Variants in NAV2 observed in about 807,000 individuals in gnomAD.
NAV2 encodes helicase, APC down-regulated 1.
In NAV2, 54 loss-of-function variants were observed where a neutral mutation model predicts 223.2. That is an observed-to-expected ratio of 0.24 (90% CI 0.19 to 0.30). The LOEUF is 0.30. NAV2 is among the 10% of genes least tolerant of loss of function. The pLI, the probability that NAV2 is intolerant of heterozygous loss-of-function variation, is 1.00. For synonymous variants in NAV2, 1,279 were observed against 1,239.3 expected (o/e 1.03, Z -0.67); for missense variants, 2,806 against 3,147.5 (o/e 0.89, Z 2.60).
intron 12 of NAV2, among the ~76,000 whole-genome samples, chr11:20,038,957 G>A (rs1055713126): frequency 7.9e-5 from 12 of 152,300 alleles, no homozygotes; most frequent in Middle Eastern, 3.4e-3. Context: ...TTTTGTCTGT[G>A]AGGGACTCCG....
At chr11:20,007,946 T>G (rs1288336440) in intron 11 of NAV2, among the ~76,000 whole-genome samples, 1 of 152,276 alleles carries the variant, frequency 6.6e-6, no homozygotes, top group Non-Finnish European at 1.5e-5. Flanking sequence ...AATATTTTTA[T>G]AGAAGAGAAC....
chr11:20,015,433 A>G (rs1316276460), intron 11 of NAV2, among the ~76,000 whole-genome samples: 1 of 152,188 alleles, frequency 6.6e-6, no homozygotes, highest in Non-Finnish European at 1.5e-5. Flanking sequence ...AACTTTCACC[A>G]TTGCACAGCA....
At chr11:19,877,199 A>G (rs1040827131) in intron 4 of NAV2, among the ~76,000 whole-genome samples, 2 of 151,618 alleles carry the variant, frequency 1.3e-5, no homozygotes, top group Non-Finnish European at 2.9e-5. Context: ...GGATAATCCT[A>G]CTCACTTCCC....
intron 1 of NAV2, among the ~76,000 whole-genome samples, chr11:19,546,506 C>A: frequency 6.6e-6 from 1 of 152,326 alleles, no homozygotes; most frequent in Non-Finnish European, 1.5e-5. Context: ...CTCAGCTTTC[C>A]AAAGCCACCT....
chr11:20,076,244 C>G (rs1422374031), intron 22 of NAV2, among the ~76,000 whole-genome samples: 1 of 152,198 alleles, frequency 6.6e-6, no homozygotes, highest in Non-Finnish European at 1.5e-5. Context: ...ACTCTAAATC[C>G]TGTTCCCTTC....
intron 1 of NAV2, among the ~76,000 whole-genome samples, chr11:19,603,498 G>A (rs1283944080): frequency 6.6e-6 from 1 of 151,930 alleles, no homozygotes; most frequent in East Asian, 1.9e-4. Context: ...ATGGTGGCAT[G>A]CGCCTGTAGT....
At chr11:19,809,257 G>A (rs116116364) in intron 1 of NAV2, among the ~76,000 whole-genome samples, 1 of 152,168 alleles carries the variant, frequency 6.6e-6, no homozygotes, top group Non-Finnish European at 1.5e-5. Context: ...TGTTGTTTGT[G>A]TGTTTACACA....
chr11:19,369,220 C>T (rs769627390), intron 1 of NAV2, among the ~76,000 whole-genome samples: 58 of 152,130 alleles, frequency 3.8e-4, no homozygotes, highest in Middle Eastern at 3.4e-3. Context: ...AACAGATGCC[C>T]GGATGTCATG....
chr11:19,541,479 G>A (rs2044340419), intron 1 of NAV2, among the ~76,000 whole-genome samples: 1 of 152,248 alleles, frequency 6.6e-6, no homozygotes, highest in African/African-American at 2.4e-5. Context: ...GGAACTGCCA[G>A]CCGATGGTTG....
Position 20,062,434 on chromosome 11 carries a change from A to G in NAV2, c.4884+75A>G, listed in dbSNP as rs968012407. The G allele has an allele frequency of 8.9e-6, 10 of 1,118,812 alleles. No homozygotes were observed. In the African/African-American group the frequency reaches 9.4e-5, roughly 11 times the overall value. 69.3% of individuals were successfully genotyped at this position (1,118,812 alleles called of 1,614,324 possible). On this transcript the variant is annotated intron_variant, in intron 20 of 37. Coordinates refer to ENST00000349880, the MANE Select transcript of NAV2 (RefSeq NM_145117.5). ...CTTTATCAAATGTGTCAAGAATAAA[A>G]TATATGCATTTATCCTAGGGAAAGC... is the stretch of plus-strand genomic sequence containing the variant.
In NAV2 at chr11:19,423,755, C is replaced by A. The variant is rs992370766; in HGVS notation, c.75+72728C>A. ...GCAGAGAGGTAGAAATCAGATTGAT[C>A]TGACTGTCAGGAGTTTCTTCTCACT... On this transcript the variant is annotated intron_variant, in intron 1 of 37. Coordinates refer to the NAV2 transcript ENST00000360655. Among the ~76,000 whole-genome samples the A allele has an allele frequency of 3.9e-4, 60 of 152,198 alleles. 1 individual carries two copies. Among genetic ancestry groups the A allele is most frequent in the African/African-American group, 1.4e-3 (58 of 41,446 alleles).
Position 20,045,609 on chromosome 11 carries a change from G to T in NAV2, c.3841G>T (p.Ala1281Ser). The T allele has an allele frequency of 6.2e-7, 1 of 1,614,190 alleles. No homozygotes were observed. The highest frequency in any genetic ancestry group is 8.5e-7 in the Non-Finnish European group (1 of 1,180,032). The stretch of plus-strand genomic sequence containing the variant: ...GGCAGCCCAGCCTGTGTCCAGTCCG[G>T]CTCAGACCAGTCTCCAGCCTGGAGC... ...NPAAQPVSSP[A>S]QTSLQPGAKY... Residue 1281 changes from alanine (A) to serine (S), a missense_variant, in exon 14 of 38, where the codon GCT becomes TCT. By Grantham distance (99) the Ala-to-Ser change is moderately conservative (BLOSUM62 1). This residue lies in a region of NAV2 where 742 missense variants were observed against 777.9 expected (regional missense o/e 0.95). Coordinates refer to ENST00000349880, the MANE Select transcript of NAV2 (RefSeq NM_145117.5).
intron 6 of NAV2, among the ~76,000 whole-genome samples, chr11:19,928,036 T>G (rs959107563): frequency 1.3e-5 from 2 of 152,266 alleles, no homozygotes; most frequent in African/African-American, 4.8e-5. Flanking sequence ...AGGTTCGTTT[T>G]GAACCTAGTC....
intron 1 of NAV2, among the ~76,000 whole-genome samples, chr11:19,406,502 A>G (rs567875411): frequency 6.6e-6 from 1 of 152,270 alleles, no homozygotes; most frequent in Non-Finnish European, 1.5e-5. Flanking sequence ...AGCCGAGGCC[A>G]TGGCTGTCTC....
intron 11 of NAV2, among the ~76,000 whole-genome samples, chr11:20,021,510 G>A (rs1358972466): frequency 3.3e-5 from 5 of 152,116 alleles, no homozygotes; most frequent in South Asian, 2.1e-4. Flanking sequence ...AAGTTAACTC[G>A]GATGTTGGAC....
intron 24 of NAV2, among the ~76,000 whole-genome samples, chr11:20,079,312 A>T (rs1160804764): frequency 6.6e-6 from 1 of 152,134 alleles, no homozygotes. Flanking sequence ...AAGTGCTGGG[A>T]TTACAGGCAT....
rs117061704 is a variant in NAV2, at chr11:19,998,574, C to T, written c.2768+14327C>T. Among the ~76,000 whole-genome samples the T allele has an allele frequency of 1.5e-3, 224 of 152,262 alleles. No homozygotes were observed. The highest frequency in any genetic ancestry group is 2.4e-3 in the Non-Finnish European group (163 of 68,010). Reference sequence around the variant, plus strand: ...GGGGGTGTGTGTTCTGGCCCCTGCGCACCTCTCCAGCCTCACCTCATCACG... The same window carrying T: ...GGGGGTGTGTGTTCTGGCCCCTGCGTACCTCTCCAGCCTCACCTCATCACG... On this transcript the variant is annotated intron_variant, in intron 11 of 37. Transcript: ENST00000349880. The surrounding 1 kb of genome is among the most constrained non-coding windows in gnomAD (Gnocchi z 5.0).
chr11:19,963,588 C>G (rs548881960), intron 10 of NAV2, among the ~76,000 whole-genome samples: 1 of 152,228 alleles, frequency 6.6e-6, no homozygotes, highest in African/African-American at 2.4e-5. Context: ...TATGTAGGAA[C>G]TGAAAAAAAT....
chr11:20,046,596 T>TCACA (rs61668060), intron 14 of NAV2, among the ~76,000 whole-genome samples: 17,700 of 145,868 alleles, frequency 0.12, 1,126 homozygotes, highest in East Asian at 0.26. Context: ...CCCCTCCCCA[T>TCACA]CACACACACA....
Sources: gnomAD v4.1 joint callset for allele counts (sites outside exome capture counted in the v4.1 genomes callset) on GRCh38, gnomAD v4.1.1 for gene constraint, gnomAD v4.1.1 regional missense constraint, Gnocchi (gnomAD v3.1) non-coding constraint, MANE v1.5 for transcripts, NCBI Gene and HGNC (gene_info 2026-07-23, HGNC 2026-07-21) for gene names.